PCLO: variants seen among roughly 807,000 people sequenced by gnomAD.
PCLO encodes protein piccolo.
A neutral mutation model predicts 427.5 loss-of-function variants in PCLO; 82 were observed. The observed-to-expected ratio is 0.19, with a 90% confidence interval of 0.16 to 0.23. The LOEUF (loss-of-function observed/expected upper bound fraction) is 0.23. Ranked by LOEUF, PCLO falls within the 10% of genes least tolerant of loss-of-function variation. The pLI, the probability that PCLO is intolerant of heterozygous loss-of-function variation, is 1.00. For synonymous variants in PCLO, 2,357 were observed against 2,155.4 expected (o/e 1.09, Z -2.59); for missense variants, 6,239 against 6,115.9 (o/e 1.02, Z -0.67).
chr7:82,852,800 T>C (rs1035133004), intron 10 of PCLO, among the ~76,000 whole-genome samples: 3 of 152,180 alleles, frequency 2.0e-5, no homozygotes, highest in East Asian at 1.9e-4. Context: ...TACTGTGCTA[T>C]TGAACACTGG....
chr7:82,888,300 A>G (rs1213321762), intron 9 of PCLO, among the ~76,000 whole-genome samples: 4 of 152,154 alleles, frequency 2.6e-5, no homozygotes, highest in Non-Finnish European at 5.9e-5. Context: ...AAGAGATGGC[A>G]TAATTGTTTT....
chr7:82,821,918 G>C (rs1393504054), intron 20 of PCLO: 1 of 985,452 alleles, frequency 1.0e-6, no homozygotes, highest in East Asian at 1.1e-4. Context: ...CACATGGAAA[G>C]CTACCATATT....
At chr7:82,991,893 T>G (rs1189639646) in intron 3 of PCLO, among the ~76,000 whole-genome samples, 1 of 152,136 alleles carries the variant, frequency 6.6e-6, no homozygotes, top group Non-Finnish European at 1.5e-5. Context: ...ATAGGTACTT[T>G]AAACTATTTT....
At position 82,953,040 on chromosome 7, in the gene PCLO, G is replaced by T. The variant is rs767236822; in HGVS notation, c.7913C>A (p.Thr2638Asn). The T allele has an allele frequency of 1.9e-6, 3 of 1,613,946 alleles. 1 individual carries two copies. Among genetic ancestry groups the T allele is most frequent in the South Asian group, 1.1e-5 (1 of 91,086 alleles). ...CTGTAAAGCTCCAGAGATGTAGAAG[G>T]TCTGTTCTGAAGAAATTGGAATTTC... Reference protein sequence around the residue: ...AVEIPISSEQTFYISGALQTF... With the variant: ...AVEIPISSEQNFYISGALQTF... Residue 2638 changes from threonine (T) to asparagine (N), a missense_variant, in exon 5 of 25, where the codon ACC (threonine) becomes AAC (asparagine). This residue lies in a region of PCLO where 4,677 missense variants were observed against 4,468.4 expected (regional missense o/e 1.05). Coordinates refer to ENST00000333891, the MANE Select transcript of PCLO (RefSeq NM_033026.6).
In PCLO at chr7:82,952,542, G is replaced by GCA. The variant is rs1359984891; in HGVS notation, c.8409_8410dup (p.Ala2804ValfsTer11). ...GCTTTCTGTGCCTGTAGTGTAACTT[G>GCA]CACTAGCTGTGCATGTGACAAAGGT... is the stretch of plus-strand genomic sequence containing the variant. On this transcript the variant is annotated frameshift_variant, in exon 5 of 25. Transcript: ENST00000333891. LOFTEE classifies it high-confidence loss of function. 2.5e-6 allele frequency: 4 copies of GCA among 1,613,914 alleles called. No individual in the cohort carries two copies. The highest frequency in any genetic ancestry group is 3.4e-6 in the Non-Finnish European group (4 of 1,179,850).
At chr7:82,926,881 T>C (rs941687792) in intron 6 of PCLO, among the ~76,000 whole-genome samples, 5 of 151,392 alleles carry the variant, frequency 3.3e-5, no homozygotes, top group African/African-American at 1.2e-4. Context: ...TGTACATTTT[T>C]CTCCCTCCCT....
intron 4 of PCLO, among the ~76,000 whole-genome samples, chr7:82,964,864 T>G (rs1161912310): frequency 1.3e-5 from 2 of 152,212 alleles, no homozygotes; most frequent in East Asian, 3.8e-4. Context: ...GGTAAGCATG[T>G]GTTAAAACTG....
Position 82,953,683 on chromosome 7 carries a change from G to A in PCLO, c.7270C>T (p.Pro2424Ser). ...PPPPPPPPPP[P>S]PPLPPPTSPK... ...GAAGTTGGTGGAGGAAGTGGTGGGG[G>A]AGGAGGGGGTGGTGGTGGAGGAGGA... The change falls in exon 5 of 25, where the codon CCC becomes TCC. Residue 2424 changes from proline (P) to serine (S), a missense_variant. Transcript: ENST00000333891. 4 of 1,265,982 alleles carry A rather than the reference G, an allele frequency of 3.2e-6. No individual in the cohort carries two copies. Among genetic ancestry groups the A allele is most frequent in the South Asian group, 2.7e-5 (2 of 74,632 alleles). The allele number at this position is 1,265,982 out of a possible 1,614,324, so 78.4% of individuals were successfully genotyped here. A position where few individuals can be genotyped will look rare whatever the true frequency, so the allele number is the denominator to read the frequency against.
At chr7:82,842,373 CA>C (rs1330518981) in intron 13 of PCLO, among the ~76,000 whole-genome samples, 1 of 151,932 alleles carries the variant, frequency 6.6e-6, no homozygotes, top group Non-Finnish European at 1.5e-5. Flanking sequence ...TATCTCACAC[CA>C]TATACAAAAA....
intron 10 of PCLO, among the ~76,000 whole-genome samples, chr7:82,851,234 G>A (rs1230946600): frequency 6.6e-6 from 1 of 151,692 alleles, no homozygotes; most frequent in Non-Finnish European, 1.5e-5. Context: ...TGAGGAGGTG[G>A]AGGTATCAAG....
intron 10 of PCLO, among the ~76,000 whole-genome samples, chr7:82,854,087 C>T (rs1186966600): frequency 1.3e-5 from 2 of 152,102 alleles, no homozygotes; most frequent in Non-Finnish European, 2.9e-5. Flanking sequence ...GAAATCATGT[C>T]ATCTAATTTT....
intron 6 of PCLO, among the ~76,000 whole-genome samples, chr7:82,932,605 T>A (rs1794865103): frequency 6.6e-6 from 1 of 152,132 alleles, no homozygotes; most frequent in South Asian, 2.1e-4. Flanking sequence ...GTAATAATTA[T>A]GGTAGATGAA....
At chr7:83,002,807 T>C (rs1787856181) in intron 3 of PCLO, among the ~76,000 whole-genome samples, 1 of 151,918 alleles carries the variant, frequency 6.6e-6, no homozygotes, top group Non-Finnish European at 1.5e-5. Context: ...CATTTACTCG[T>C]AAATATTTAC....
chr7:82,788,110 G>C (rs1261957231), intron 22 of PCLO, among the ~76,000 whole-genome samples: 1 of 150,812 alleles, frequency 6.6e-6, no homozygotes, highest in Non-Finnish European at 1.5e-5. Flanking sequence ...CTAAAAGATG[G>C]CTTCAACCAA....
chr7:82,873,322 T>C (rs1459511432), intron 10 of PCLO, among the ~76,000 whole-genome samples: 1 of 151,892 alleles, frequency 6.6e-6, no homozygotes, highest in East Asian at 1.9e-4. Context: ...CGTCATCCTC[T>C]TCCACTCTCA....
intron 2 of PCLO, among the ~76,000 whole-genome samples, chr7:83,143,534 C>T (rs1235975893): frequency 1.4e-5 from 1 of 71,366 alleles, no homozygotes; most frequent in Non-Finnish European, 2.6e-5. Context: ...ACTAAATATG[C>T]ACTCTTTTCA....
In PCLO at chr7:83,059,357, A is replaced by AAAAT. The variant is rs1332566491; in HGVS notation, c.3300+74892_3300+74893insATTT. On this transcript the variant is annotated intron_variant, in intron 3 of 24. Coordinates refer to ENST00000333891, the MANE Select transcript of PCLO (RefSeq NM_033026.6). The stretch of plus-strand genomic sequence containing the variant: ...ATATATTTTATATATACACCTTTAA[A>AAAAT]ATATATATATATATATATATATAAA... 5.4e-3 allele frequency among the ~76,000 whole-genome samples: 600 copies of AAAAT among 111,774 alleles called. 3 individuals are homozygous for AAAAT. Among genetic ancestry groups the AAAAT allele is most frequent in the Admixed American group, 0.011 (113 of 10,362 alleles). The allele number at this position is 111,774 out of a possible 152,430, so 73.3% of individuals were successfully genotyped here. A position where few individuals can be genotyped will look rare whatever the true frequency, so the allele number is the denominator to read the frequency against.
chr7:83,131,457 C>T lies in PCLO; in HGVS notation c.3300+2793G>A, dbSNP rs147556370. Reference sequence around the variant, plus strand: ...CTTCCCAACCAATGACAAAATATGACGAGCTCTTCTCACAACCGGAGAAAC... The same window carrying T: ...CTTCCCAACCAATGACAAAATATGATGAGCTCTTCTCACAACCGGAGAAAC... On this transcript the variant is annotated intron_variant, in intron 3 of 24. Transcript: ENST00000333891. Among the ~76,000 whole-genome samples the T allele has an allele frequency of 7.5e-3, 1,148 of 152,106 alleles. 16 individuals carry two copies. Among genetic ancestry groups the T allele is most frequent in the African/African-American group, 0.024 (995 of 41,478 alleles).
intron 3 of PCLO, among the ~76,000 whole-genome samples, chr7:83,067,414 G>A (rs1789695641): frequency 6.6e-6 from 1 of 152,130 alleles, no homozygotes; most frequent in African/African-American, 2.4e-5. Flanking sequence ...TTGATTGCTT[G>A]AGAGACTCCT....
Sources: allele counts gnomAD v4.1 joint callset (sites outside exome capture counted in the v4.1 genomes callset), GRCh38; gene constraint gnomAD v4.1.1; regional missense constraint gnomAD v4.1.1; transcripts MANE v1.5; gene names NCBI Gene and HGNC (gene_info 2026-07-23, HGNC 2026-07-21).